RARB: variants seen among roughly 807,000 people sequenced by gnomAD.
The protein encoded by RARB is retinoic acid receptor beta.
Under a neutral mutation model 51.9 loss-of-function variants are expected in RARB, and 17 were observed. That is an observed-to-expected ratio of 0.33 (90% CI 0.22 to 0.49). The LOEUF is 0.49. Ranked by LOEUF, RARB falls within the 20% of genes least tolerant of loss-of-function variation. The pLI is 0.99. For synonymous variants in RARB, 215 were observed against 195.4 expected, an observed-to-expected ratio of 1.10 and a Z score of -0.84; for missense variants, 369 against 550.8, an observed-to-expected ratio of 0.67 and a Z score of 3.30.
chr3:25,365,556 G>A (rs944638523), intron 5 of RARB, among the ~76,000 whole-genome samples: 5 of 152,074 alleles, frequency 3.3e-5, no homozygotes, highest in African/African-American at 1.2e-4. Flanking sequence ...AGGAATTTGA[G>A]CAGGGCACAA....
chr3:24,955,176 G>C (rs1695983196), intron 2 of RARB, among the ~76,000 whole-genome samples: 1 of 152,140 alleles, frequency 6.6e-6, no homozygotes, highest in African/African-American at 2.4e-5. Flanking sequence ...TCAGCAGAAG[G>C]GGAGCTGGAA....
intron 5 of RARB, among the ~76,000 whole-genome samples, chr3:25,308,138 G>C (rs1320166882): frequency 6.6e-6 from 1 of 152,164 alleles, no homozygotes; most frequent in African/African-American, 2.4e-5. Context: ...AAAATTATGT[G>C]TTTGAGTGAG....
intron 5 of RARB, among the ~76,000 whole-genome samples, chr3:25,177,086 C>T (rs146566468): frequency 0.011 from 1,657 of 152,278 alleles, 27 homozygotes; most frequent in African/African-American, 0.033. Flanking sequence ...TCAAAGATTA[C>T]TTACTTCATA....
chr3:25,245,989 C>T (rs1300994696), intron 5 of RARB, among the ~76,000 whole-genome samples: 1 of 152,072 alleles, frequency 6.6e-6, no homozygotes, highest in Non-Finnish European at 1.5e-5. Context: ...TCACAAAGTC[C>T]TATATTTCTT....
intron 3 of RARB, among the ~76,000 whole-genome samples, chr3:25,075,863 A>C (rs1332681895): frequency 2.0e-5 from 3 of 152,228 alleles, no homozygotes; most frequent in Non-Finnish European, 4.4e-5. Context: ...TGACCGATGA[A>C]TCAACAAATT....
chr3:24,893,624 C>G (rs1301434653), intron 2 of RARB, among the ~76,000 whole-genome samples: 3 of 152,082 alleles, frequency 2.0e-5, no homozygotes, highest in African/African-American at 7.2e-5. Context: ...CACAAGTGAT[C>G]CTCCTGTCTC....
intron 5 of RARB, among the ~76,000 whole-genome samples, chr3:25,367,777 C>T (rs543747000): frequency 1.4e-5 from 2 of 140,838 alleles, no homozygotes; most frequent in African/African-American, 5.3e-5. Flanking sequence ...GCACTCCAGC[C>T]TGGGTGACAA....
chr3:25,592,128 G>T (rs560745481), intron 5 of RARB, among the ~76,000 whole-genome samples: 1 of 152,284 alleles, frequency 6.6e-6, no homozygotes, highest in East Asian at 1.9e-4. Flanking sequence ...AGGATGGAGA[G>T]GGCTTTACTA....
At chr3:25,457,047 A>T (rs996155528) in intron 1 of RARB, among the ~76,000 whole-genome samples, 5 of 151,732 alleles carry the variant, frequency 3.3e-5, no homozygotes, top group African/African-American at 1.2e-4. Context: ...TATTATTTTT[A>T]TTTTTTGTTT....
intron 5 of RARB, among the ~76,000 whole-genome samples, chr3:25,367,634 G>A (rs1219389156): frequency 7.2e-6 from 1 of 138,926 alleles, no homozygotes; most frequent in Non-Finnish European, 1.5e-5. Flanking sequence ...TAAGCAACAT[G>A]GTAAAAACCC....
chr3:25,343,024 TTG>T (rs6147737), intron 5 of RARB, among the ~76,000 whole-genome samples: 5,364 of 131,886 alleles, frequency 0.041, 108 homozygotes, highest in Non-Finnish European at 0.046. Context: ...TGCAAGTACT[TTG>T]TGTGTGTGTG....
chr3:25,122,428 G>A (rs1323592776), intron 3 of RARB, among the ~76,000 whole-genome samples: 8 of 151,814 alleles, frequency 5.3e-5, no homozygotes, highest in Non-Finnish European at 1.0e-4. Flanking sequence ...TGGCCTAGGG[G>A]TACTGTGGAA....
chr3:25,252,957 AG>A (rs1249217983), intron 5 of RARB, among the ~76,000 whole-genome samples: 6 of 152,244 alleles, frequency 3.9e-5, no homozygotes, highest in Admixed American at 6.5e-5. Context: ...GTCTCTATGA[AG>A]GGGAGGGTAA....
intron 2 of RARB, among the ~76,000 whole-genome samples, chr3:24,981,092 C>T (rs77971845): frequency 0.2 from 30,690 of 152,136 alleles, 3,656 homozygotes; most frequent in East Asian, 0.3. Flanking sequence ...GTATCACCAG[C>T]GGAGGCTGCA....
chr3:25,204,741 A>G (rs942037076), intron 5 of RARB, among the ~76,000 whole-genome samples: 4 of 152,142 alleles, frequency 2.6e-5, no homozygotes, highest in Non-Finnish European at 5.9e-5. Context: ...AGAACGGTGA[A>G]TACTGGCAAA....
chr3:25,155,111 A>G (rs575945072), intron 4 of RARB, among the ~76,000 whole-genome samples: 3 of 152,256 alleles, frequency 2.0e-5, no homozygotes, highest in African/African-American at 4.8e-5. Context: ...CTCTTTCCGT[A>G]TGCATTATAT....
intron 5 of RARB, among the ~76,000 whole-genome samples, chr3:25,221,545 T>C (rs17015971): frequency 0.11 from 16,093 of 152,196 alleles, 1,019 homozygotes; most frequent in South Asian, 0.26. Context: ...ACAAGTACTG[T>C]CAAAATTCTG....
intron 2 of RARB, among the ~76,000 whole-genome samples, chr3:24,919,493 C>G (rs995386566): frequency 6.6e-6 from 1 of 151,828 alleles, no homozygotes; most frequent in African/African-American, 2.4e-5. Context: ...GTAACCAATC[C>G]GGCTGTTTCT....
chr3:25,364,712 A>G (rs2125466711), intron 5 of RARB, among the ~76,000 whole-genome samples: 1 of 152,348 alleles, frequency 6.6e-6, no homozygotes. Context: ...GCAAGGCAAT[A>G]GAAAACATGA....
Sources: gnomAD v4.1 joint callset for allele counts (sites outside exome capture counted in the v4.1 genomes callset) on GRCh38, gnomAD v4.1.1 for gene constraint, MANE v1.5 for transcripts, NCBI Gene and HGNC (gene_info 2026-07-23, HGNC 2026-07-21) for gene names.